The following USP8 variants were observed in gnomAD, a reference collection of about 807,000 sequenced individuals.
USP8 encodes ubiquitin carboxyl-terminal hydrolase 8.
In USP8, 27 loss-of-function variants were observed where a neutral mutation model predicts 130.0. The ratio of observed to expected loss-of-function variants is 0.21; its 90% confidence interval spans 0.15 to 0.29. The LOEUF is 0.29. Ranked by LOEUF, USP8 falls within the 10% of genes least tolerant of loss-of-function variation. The probability of loss-of-function intolerance (pLI) is 1.00; values close to 1 mark genes in which losing one functional copy is unlikely to be tolerated. For missense variants in USP8, 1,029 were observed against 1,312.2 expected (o/e 0.78, Z 3.33); for synonymous variants, 392 against 444.1 (o/e 0.88, Z 1.48).
intron 3 of USP8, among the ~76,000 whole-genome samples, chr15:50,446,638 A>G (rs1368596391): frequency 6.6e-5 from 10 of 152,246 alleles, no homozygotes; most frequent in Non-Finnish European, 1.3e-4. Flanking sequence ...TTGATACGAT[A>G]TTGAACAAAC....
At chr15:50,489,600 T>G in intron 12 of USP8, 1 of 278,658 alleles carries the variant, frequency 3.6e-6, no homozygotes, top group Non-Finnish European at 6.8e-6. Context: ...CTCTACACCT[T>G]GGTATAGTAA....
chr15:50,458,547 G>A (rs1283710244), intron 4 of USP8: 1 of 163,822 alleles, frequency 6.1e-6, no homozygotes, highest in Non-Finnish European at 1.3e-5. Flanking sequence ...AAATTTCAGT[G>A]AAGTCATCCT....
chr15:50,472,583 C>T (rs1254271122), intron 8 of USP8, among the ~76,000 whole-genome samples: 4 of 129,506 alleles, frequency 3.1e-5, no homozygotes, highest in African/African-American at 1.2e-4. Context: ...GGAGACAGAG[C>T]GAGACTCTGT....
In USP8 at chr15:50,471,620, T is replaced by G. The variant is rs1354741748; in HGVS notation, c.687-13T>G. 6.2e-7 allele frequency: 1 copy of G among 1,605,538 alleles called. No homozygotes were observed. The highest frequency in any genetic ancestry group is 8.5e-7 in the Non-Finnish European group (1 of 1,178,316). On this transcript the variant is annotated splice_polypyrimidine_tract_variant and intron_variant, in intron 7 of 19. Coordinates refer to ENST00000307179, the MANE Select transcript of USP8 (RefSeq NM_005154.5). ...TTGACTTTTGCCCCAATTTAAATAT[T>G]AATACATTTCAGAGTCACTGCTAGT...
At chr15:50,450,493 G>A (rs1219722324) in intron 4 of USP8, among the ~76,000 whole-genome samples, 3 of 116,584 alleles carry the variant, frequency 2.6e-5, no homozygotes, top group African/African-American at 6.2e-5. Flanking sequence ...TTTTGGAGAC[G>A]GAGTTTTGCC....
Position 50,512,720 on chromosome 15 carries a change from G to C in USP8, c.*13632G>C, listed in dbSNP as rs1156868660. On this transcript the variant is annotated 3_prime_UTR_variant, in exon 20 of 20. Coordinates refer to ENST00000307179, the MANE Select transcript of USP8 (RefSeq NM_005154.5). The stretch of plus-strand genomic sequence containing the variant: ...GGCATGAGAATCATTTGAAACCAGG[G>C]GGTGGAGGTTGCAGTGAGCCGAGAT... The C allele has an allele frequency of 1.3e-5, 2 of 150,218 alleles. No homozygotes were observed. The highest frequency in any genetic ancestry group is 4.9e-5 in the African/African-American group (2 of 40,750). The allele number at this position is 150,218 out of a possible 1,614,324, so 9.3% of individuals were successfully genotyped here. A position where few individuals can be genotyped will look rare whatever the true frequency, so the allele number is the denominator to read the frequency against.
intron 8 of USP8, among the ~76,000 whole-genome samples, chr15:50,473,366 T>G (rs2051446092): frequency 6.6e-6 from 1 of 152,276 alleles, no homozygotes; most frequent in African/African-American, 2.4e-5. Flanking sequence ...TAATAAAAAG[T>G]AAGTGCTTTG....
intron 1 of USP8, among the ~76,000 whole-genome samples, chr15:50,433,709 C>A (rs1178613795): frequency 6.6e-6 from 1 of 152,100 alleles, no homozygotes; most frequent in East Asian, 1.9e-4. Context: ...AGGTTCGTGC[C>A]ATTCTCCTGC....
chr15:50,454,384 G>A (rs1295024184), intron 4 of USP8, among the ~76,000 whole-genome samples: 1 of 150,060 alleles, frequency 6.7e-6, no homozygotes, highest in African/African-American at 2.5e-5. Context: ...CTAAGGATTT[G>A]TTCTTTTTAT....
intron 4 of USP8, among the ~76,000 whole-genome samples, chr15:50,457,367 G>T (rs28377938): frequency 0.029 from 4,469 of 151,954 alleles, 92 homozygotes; most frequent in East Asian, 0.096. Context: ...AGACCAGCCT[G>T]GCCAACATAG....
chr15:50,496,896 C>G, intron 17 of USP8, 193 bp from the exon 18 acceptor site: 1 of 627,048 alleles, frequency 1.6e-6, no homozygotes, highest in Non-Finnish European at 2.6e-6. Context: ...GTAGCACTCA[C>G]CACACTCTGT....
intron 7 of USP8, among the ~76,000 whole-genome samples, chr15:50,465,551 A>G (rs1337037867): frequency 2.0e-5 from 3 of 152,066 alleles, no homozygotes; most frequent in South Asian, 2.1e-4. Context: ...GTTTTCTCCT[A>G]TTGGTGGTAT....
rs114434131 is a variant in USP8 at position 50,481,488 on chromosome 15, G to A, written c.1226G>A (p.Arg409His). ...CTGGTTTTGTTGCTCTAGATTGATC[G>A]TACTAAAAAACCAGCAGTCAAATTG... ...PSIKNVPQID[R>H]TKKPAVKLPE... The change falls in exon 11 of 20, where the codon CGT becomes CAT. Residue 409 changes from arginine to histidine, a missense_variant. Physicochemically the swap from Arg to His is conservative, Grantham distance 29 (BLOSUM62 0). This residue lies in a region of USP8 where 486 missense variants were observed against 522.0 expected (regional missense o/e 0.93). Coordinates refer to ENST00000307179, the MANE Select transcript of USP8 (RefSeq NM_005154.5). 58 of 1,583,526 alleles carry A rather than the reference G, an allele frequency of 3.7e-5. No individual in the cohort carries two copies. The highest frequency in any genetic ancestry group is 4.6e-5 in the Non-Finnish European group (54 of 1,169,450).
At chr15:50,449,371 A>C in intron 3 of USP8, 29 bp from the exon 4 acceptor site, 1 of 1,463,906 alleles carries the variant, frequency 6.8e-7, no homozygotes, top group African/African-American at 1.4e-5. Flanking sequence ...GAGAACTAAC[A>C]ATATGGGATG....
chr15:50,447,216 T>G (rs1461247907), intron 3 of USP8, among the ~76,000 whole-genome samples: 1 of 152,190 alleles, frequency 6.6e-6, no homozygotes, highest in African/African-American at 2.4e-5. Context: ...GACGCTGGTC[T>G]TATGGGAATG....
chr15:50,486,906 G>T (rs972168455), intron 12 of USP8, among the ~76,000 whole-genome samples: 10 of 152,082 alleles, frequency 6.6e-5, no homozygotes, highest in Non-Finnish European at 1.5e-4. Context: ...GCTGAAGTGG[G>T]AGGATCATTT....
intron 1 of USP8, among the ~76,000 whole-genome samples, chr15:50,426,481 C>G (rs930024817): frequency 6.6e-6 from 1 of 152,176 alleles, no homozygotes; most frequent in Non-Finnish European, 1.5e-5. Context: ...GTGGTTTTCA[C>G]CTAGAGTTTA....
At chr15:50,435,685 G>T (rs1441190130) in intron 1 of USP8, among the ~76,000 whole-genome samples, 1 of 152,128 alleles carries the variant, frequency 6.6e-6, no homozygotes. Flanking sequence ...TTAAGTGACG[G>T]TATAACTTAC....
intron 5 of USP8, among the ~76,000 whole-genome samples, chr15:50,460,589 G>T (rs1175081531): frequency 6.6e-6 from 1 of 151,654 alleles, no homozygotes; most frequent in Non-Finnish European, 1.5e-5. Flanking sequence ...GATTATAGGA[G>T]TGAGCCACCA....
Sources: gnomAD v4.1 joint callset for allele counts (sites outside exome capture counted in the v4.1 genomes callset) on GRCh38, gnomAD v4.1.1 for gene constraint, gnomAD v4.1.1 regional missense constraint, MANE v1.5 for transcripts, NCBI Gene and HGNC (gene_info 2026-07-23, HGNC 2026-07-21) for gene names.